The following CNBD1 variants were observed in gnomAD, a reference collection of about 807,000 sequenced individuals.
The protein encoded by CNBD1 is cyclic nucleotide-binding domain-containing protein 1.
Under a neutral mutation model 54.4 loss-of-function variants are expected in CNBD1, and 71 were observed. That is an observed-to-expected ratio of 1.30 (90% CI 1.08 to 1.59). The LOEUF (loss-of-function observed/expected upper bound fraction) is 1.59, where lower values mean the gene tolerates loss of function less well. CNBD1 is among the 40% of genes most tolerant of loss of function. CNBD1 has a pLI of 0.00. For missense variants in CNBD1, 659 were observed against 518.0 expected (o/e 1.27, Z -2.64); for synonymous variants, 182 against 170.7 (o/e 1.07, Z -0.51).
chr8:87,199,509 G>A (rs1287674662), intron 4 of CNBD1, among the ~76,000 whole-genome samples: 1 of 152,090 alleles, frequency 6.6e-6, no homozygotes, highest in Non-Finnish European at 1.5e-5. Context: ...TTCTTCTTAT[G>A]TTCTTTATTA....
chr8:87,067,778 G>A (rs1259451537), intron 4 of CNBD1, among the ~76,000 whole-genome samples: 2 of 151,606 alleles, frequency 1.3e-5, no homozygotes, highest in African/African-American at 2.4e-5. Context: ...TTTAAAGTGC[G>A]ATTGATCTCC....
chr8:87,042,116 C>T (rs1460407376), intron 4 of CNBD1, among the ~76,000 whole-genome samples: 5 of 152,164 alleles, frequency 3.3e-5, no homozygotes, highest in Admixed American at 6.5e-5. Flanking sequence ...CTCAACTTTT[C>T]GGCCTGTGCT....
intron 10 of CNBD1, among the ~76,000 whole-genome samples, chr8:87,382,112 C>A (rs1425618222): frequency 6.6e-6 from 1 of 151,256 alleles, no homozygotes; most frequent in Non-Finnish European, 1.5e-5. Flanking sequence ...TAATAGAAAA[C>A]AAATATAGAC....
chr8:87,404,065 CA>C (rs1201165052), intron 2 of CNBD1, among the ~76,000 whole-genome samples: 5 of 151,970 alleles, frequency 3.3e-5, no homozygotes, highest in Non-Finnish European at 7.4e-5. Context: ...AGGAATCCAG[CA>C]GAGAACTATC....
In CNBD1 at chr8:87,158,653, G is replaced by A. The variant is rs553198323; in HGVS notation, c.432-47340G>A. ...CCCTCTGAGCCTGGGGGAGATGGGA[G>A]TTTAAATCCAGAGACAGACATGTCT... On this transcript the variant is annotated intron_variant, in intron 4 of 10. Transcript: ENST00000518476. 3.3e-5 allele frequency among the ~76,000 whole-genome samples: 5 copies of A among 152,272 alleles called. No homozygotes were observed. The South Asian group carries it at 1.0e-3, about 32-fold the overall frequency.
At chr8:86,983,614 AAGG>A (rs1363566691) in intron 4 of CNBD1, among the ~76,000 whole-genome samples, 1 of 152,132 alleles carries the variant, frequency 6.6e-6, no homozygotes, top group Non-Finnish European at 1.5e-5. Flanking sequence ...CTTAGACAGA[AAGG>A]AGGAACTTTT....
chr8:87,181,660 A>C (rs56761563), intron 4 of CNBD1, among the ~76,000 whole-genome samples: 1 of 152,314 alleles, frequency 6.6e-6, no homozygotes, highest in African/African-American at 2.4e-5. Context: ...TCAAAAAACC[A>C]ACTTATGCTT....
At chr8:87,318,922 A>AT (rs1165613098) in intron 8 of CNBD1, among the ~76,000 whole-genome samples, 3 of 152,068 alleles carry the variant, frequency 2.0e-5, no homozygotes, top group Non-Finnish European at 1.5e-5. Context: ...CAAACTTGTA[A>AT]GAGTTTTAGG....
chr8:87,384,543 C>G (rs1292289931), downstream of CNBD1, among the ~76,000 whole-genome samples: 4 of 152,114 alleles, frequency 2.6e-5, no homozygotes, highest in African/African-American at 9.7e-5. Context: ...GTATTTCCTC[C>G]ATGTAGGAAT....
chr8:87,315,935 T>G (rs187193296), intron 8 of CNBD1, among the ~76,000 whole-genome samples: 2 of 152,134 alleles, frequency 1.3e-5, no homozygotes, highest in East Asian at 1.9e-4. Context: ...ATTACACAAT[T>G]TATGCATGTA....
intron 4 of CNBD1, among the ~76,000 whole-genome samples, chr8:86,955,363 G>A (rs1396332863): frequency 1.3e-5 from 2 of 152,238 alleles, no homozygotes; most frequent in South Asian, 2.1e-4. Context: ...TGGGATGCCT[G>A]GGTCAAATGG....
intron 8 of CNBD1, among the ~76,000 whole-genome samples, chr8:87,345,143 G>A (rs1810144204): frequency 6.6e-6 from 1 of 152,120 alleles, no homozygotes; most frequent in Admixed American, 6.5e-5. Flanking sequence ...TTTTGATTCA[G>A]AATGTCAGGC....
intron 5 of CNBD1, among the ~76,000 whole-genome samples, chr8:87,228,948 C>G (rs998032707): frequency 2.6e-5 from 4 of 152,196 alleles, no homozygotes; most frequent in Non-Finnish European, 5.9e-5. Context: ...CATGGTGCGC[C>G]GTTTTTTAAG....
At chr8:87,074,641 C>T (rs1161312002) in intron 4 of CNBD1, among the ~76,000 whole-genome samples, 2 of 152,116 alleles carry the variant, frequency 1.3e-5, no homozygotes, top group Non-Finnish European at 2.9e-5. Context: ...TGGGTGAGGT[C>T]ACACAATCAC....
At chr8:87,338,443 A>T (rs1412589015) in intron 8 of CNBD1, among the ~76,000 whole-genome samples, 2 of 152,180 alleles carry the variant, frequency 1.3e-5, no homozygotes, top group Admixed American at 1.3e-4. Flanking sequence ...CAGGTTACAG[A>T]ATTCAAGGTT....
intron 4 of CNBD1, among the ~76,000 whole-genome samples, chr8:87,025,558 C>T (rs1470574924): frequency 2.0e-5 from 3 of 151,552 alleles, no homozygotes; most frequent in African/African-American, 4.8e-5. Context: ...AGCGAGACCG[C>T]GAACCCACCA....
intron 4 of CNBD1, among the ~76,000 whole-genome samples, chr8:86,954,267 C>T (rs1228679894): frequency 1.3e-5 from 2 of 152,220 alleles, no homozygotes; most frequent in Non-Finnish European, 2.9e-5. Context: ...ACCTTACAGA[C>T]AAATCCATTT....
rs1234081758 is a variant in CNBD1 at position 87,182,714 on chromosome 8, G to A, written c.432-23279G>A. On this transcript the variant is annotated intron_variant, in intron 4 of 10. Coordinates refer to ENST00000518476, the MANE Select transcript of CNBD1 (RefSeq NM_173538.3). The surrounding 1 kb of genome is among the most constrained non-coding windows in gnomAD (Gnocchi z 4.1). ...CTTCTTTTGAGAAGTGTCTGTTCAT[G>A]TCTTCTGCCCATTTTTAAATGGGGT... is the stretch of plus-strand genomic sequence containing the variant. 6.6e-6 allele frequency among the ~76,000 whole-genome samples: 1 copy of A among 152,012 alleles called. No individual in the cohort carries two copies. Among genetic ancestry groups the A allele is most frequent in the Non-Finnish European group, 1.5e-5 (1 of 67,976 alleles).
chr8:87,409,810 C>A (rs576646763), intron 2 of CNBD1, among the ~76,000 whole-genome samples: 1 of 151,952 alleles, frequency 6.6e-6, no homozygotes, highest in Non-Finnish European at 1.5e-5. Context: ...ATTGCCAGAT[C>A]TCAGGAATTC....
Sources: allele counts gnomAD v4.1 joint callset (sites outside exome capture counted in the v4.1 genomes callset), GRCh38; gene constraint gnomAD v4.1.1; non-coding constraint Gnocchi (gnomAD v3.1); transcripts MANE v1.5; gene names NCBI Gene and HGNC (gene_info 2026-07-23, HGNC 2026-07-21).